The following NLGN1 variants were observed in gnomAD, a reference collection of about 807,000 sequenced individuals.
NLGN1 encodes neuroligin-1.
Under a neutral mutation model 65.5 loss-of-function variants are expected in NLGN1, and 12 were observed. The ratio of observed to expected loss-of-function variants is 0.18; its 90% CI spans 0.12 to 0.30. The LOEUF is 0.30. Ranked by LOEUF, NLGN1 falls within the 10% of genes least tolerant of loss-of-function variation. The pLI, the probability that NLGN1 is intolerant of heterozygous loss-of-function variation, is 1.00. For synonymous variants in NLGN1, 350 were observed against 359.5 expected (o/e 0.97, Z 0.30); for missense variants, 750 against 1,007.1 (o/e 0.74, Z 3.46).
chr3:173,761,610 A>G (rs1277079698), intron 3 of NLGN1, among the ~76,000 whole-genome samples: 1 of 152,080 alleles, frequency 6.6e-6, no homozygotes, highest in African/African-American at 2.4e-5. Flanking sequence ...TAAATAGACC[A>G]TAATATTTCT....
intron 2 of NLGN1, among the ~76,000 whole-genome samples, chr3:173,452,438 G>A (rs529858346): frequency 4.6e-5 from 7 of 152,096 alleles, no homozygotes; most frequent in Non-Finnish European, 8.8e-5. Flanking sequence ...CACCCGCCTT[G>A]GCCTCCCAAA....
chr3:173,699,454 C>A (rs1278591791), intron 3 of NLGN1, among the ~76,000 whole-genome samples: 1 of 152,178 alleles, frequency 6.6e-6, no homozygotes, highest in African/African-American at 2.4e-5. Context: ...TCAAATGTGT[C>A]ATGAGGGCAG....
intron 4 of NLGN1, among the ~76,000 whole-genome samples, chr3:173,942,772 AAAT>A (rs1166613708): frequency 1.3e-5 from 2 of 152,206 alleles, no homozygotes; most frequent in African/African-American, 4.8e-5. Flanking sequence ...TCTTCCACTG[AAAT>A]AATAATATTC....
chr3:173,837,901 A>G (rs1018554438), intron 4 of NLGN1, among the ~76,000 whole-genome samples: 2 of 152,202 alleles, frequency 1.3e-5, no homozygotes, highest in African/African-American at 2.4e-5. Flanking sequence ...GTTCTAGAGA[A>G]TCAGTATTAC....
chr3:173,636,909 A>G (rs1756679696), intron 3 of NLGN1, among the ~76,000 whole-genome samples: 2 of 152,172 alleles, frequency 1.3e-5, no homozygotes, highest in Admixed American at 1.3e-4. Context: ...AGAAAAGACA[A>G]TGGGGTATCT....
chr3:174,283,142 A>C (rs1159166427), exon 7 of NLGN1: 1 of 150,130 alleles, frequency 6.7e-6, no homozygotes, highest in Non-Finnish European at 1.5e-5. Context: ...AAAAAAAAGA[A>C]AAAAAGGAAA....
chr3:173,963,853 T>G (rs557301868), intron 4 of NLGN1, among the ~76,000 whole-genome samples: 1 of 152,268 alleles, frequency 6.6e-6, no homozygotes, highest in East Asian at 1.9e-4. Context: ...AGTTTTCTAG[T>G]GCATTCAGGA....
chr3:173,516,631 G>T (rs1055471684), intron 2 of NLGN1, among the ~76,000 whole-genome samples: 2 of 152,000 alleles, frequency 1.3e-5, no homozygotes, highest in Non-Finnish European at 2.9e-5. Flanking sequence ...ACCCTTCAGT[G>T]GCTCATCATT....
chr3:173,563,738 C>T (rs1294494921), intron 2 of NLGN1, among the ~76,000 whole-genome samples: 3 of 151,996 alleles, frequency 2.0e-5, no homozygotes, highest in Non-Finnish European at 2.9e-5. Context: ...CCTTTAAATA[C>T]ATAAGAATTC....
chr3:173,605,130 A>G lies in NLGN1; in HGVS notation c.493+39A>G, dbSNP rs574262415. 1.1e-4 allele frequency: 157 copies of G among 1,492,742 alleles called. 1 individual carries two copies. The South Asian group carries it at 2.0e-3, about 19-fold the overall frequency. 92.5% of individuals were successfully genotyped at this position (1,492,742 alleles called of 1,614,324 possible). A position where few individuals can be genotyped will look rare whatever the true frequency, so the allele number is the denominator to read the frequency against. On this transcript the variant is annotated intron_variant, in intron 3 of 6. Coordinates refer to ENST00000457714, the Ensembl canonical transcript of NLGN1. The stretch of plus-strand genomic sequence containing the variant: ...AGGAAAAACAGGGAGATATATTTAT[A>G]TATTTTTTCTATTCTAAGTTCTAAC...
intron 3 of NLGN1, among the ~76,000 whole-genome samples, chr3:173,614,178 T>C (rs1752709938): frequency 6.6e-6 from 1 of 151,982 alleles, no homozygotes; most frequent in Non-Finnish European, 1.5e-5. Context: ...TTCCCCTAAT[T>C]GGAAAGTGAA....
chr3:173,454,425 A>G (rs1409417719), intron 2 of NLGN1, among the ~76,000 whole-genome samples: 1 of 152,160 alleles, frequency 6.6e-6, no homozygotes, highest in Non-Finnish European at 1.5e-5. Context: ...CCTAGATGGT[A>G]TCATCTTCTG....
chr3:173,684,803 T>C (rs1764452640), intron 3 of NLGN1, among the ~76,000 whole-genome samples: 1 of 152,210 alleles, frequency 6.6e-6, no homozygotes, highest in Non-Finnish European at 1.5e-5. Flanking sequence ...TTCATCCCAA[T>C]TTAATATTTT....
chr3:174,184,531 A>C (rs2152750847), intron 4 of NLGN1, among the ~76,000 whole-genome samples: 1 of 152,246 alleles, frequency 6.6e-6, no homozygotes, highest in Non-Finnish European at 1.5e-5. Context: ...GTGAGTGCCT[A>C]CCAGGTTATA....
intron 4 of NLGN1, among the ~76,000 whole-genome samples, chr3:174,132,439 T>C (rs1220500166): frequency 6.6e-6 from 1 of 152,216 alleles, no homozygotes; most frequent in African/African-American, 2.4e-5. Flanking sequence ...TTTTCCTTCA[T>C]GTTTCTTTTC....
At position 174,231,030 on chromosome 3, in the gene NLGN1, A is replaced by G. The variant is rs148960334; in HGVS notation, c.647-44285A>G. ...GAAGGGCTGTTACTGTCCTTGTTTC[A>G]AAGTTAAGCTATAAACTAAGTTCAT... On this transcript the variant is annotated intron_variant, in intron 4 of 6. Transcript: ENST00000457714. Among the ~76,000 whole-genome samples the G allele has an allele frequency of 3.0e-3, 455 of 152,282 alleles. 1 individual carries two copies. The highest frequency in any genetic ancestry group is 0.01 in the African/African-American group (432 of 41,550).
intron 4 of NLGN1, among the ~76,000 whole-genome samples, chr3:174,173,992 C>G (rs1292264889): frequency 6.6e-6 from 1 of 151,992 alleles, no homozygotes; most frequent in Non-Finnish European, 1.5e-5. Flanking sequence ...CTCTTTCACC[C>G]TGGGTCCCCA....
chr3:173,824,580 A>G (rs1720947870), intron 4 of NLGN1, among the ~76,000 whole-genome samples: 1 of 116,206 alleles, frequency 8.6e-6, no homozygotes, highest in African/African-American at 3.6e-5. Flanking sequence ...ACATGTGTGT[A>G]TTGACATGTG....
intron 2 of NLGN1, among the ~76,000 whole-genome samples, chr3:173,493,699 A>G (rs1263114955): frequency 1.3e-5 from 2 of 151,802 alleles, no homozygotes; most frequent in African/African-American, 2.4e-5. Context: ...GTCCACATTC[A>G]CACAACCAGT....
Sources: gnomAD v4.1 joint callset for allele counts (sites outside exome capture counted in the v4.1 genomes callset) on GRCh38, gnomAD v4.1.1 for gene constraint, MANE v1.5 for transcripts, NCBI Gene and HGNC (gene_info 2026-07-23, HGNC 2026-07-21) for gene names.